Variants in COL10A1 observed in about 807,000 individuals in gnomAD.
COL10A1 encodes the protein collagen alpha-1(X) chain.
In COL10A1, 10 loss-of-function variants were observed where a neutral mutation model predicts 18.2. That is an observed-to-expected ratio of 0.55 (90% CI 0.34 to 0.93). The LOEUF (loss-of-function observed/expected upper bound fraction) is 0.93, where lower values mean the gene tolerates loss of function less well. Among genes scored for constraint, COL10A1 ranks in the 40% least tolerant of loss-of-function variants. The pLI is 0.02. For missense variants in COL10A1, 897 were observed against 853.5 expected (o/e 1.05, Z -0.64); for synonymous variants, 330 against 316.6 (o/e 1.04, Z -0.45).
chr6:116,135,851 A>G (rs930516407), intron 1 of COL10A1, among the ~76,000 whole-genome samples: 17 of 113,540 alleles, frequency 1.5e-4, no homozygotes, highest in African/African-American at 4.5e-4. Flanking sequence ...ATATATATAT[A>G]TATATATATA....
At chr6:116,186,439 G>C in the COL10A1 span, among the ~76,000 whole-genome samples, 1 of 152,028 alleles carries the variant, frequency 6.6e-6, no homozygotes, top group South Asian at 2.1e-4. Context: ...CAAGGCTGGG[G>C]AAGTTGTCCT....
chr6:116,121,509 C>T lies in COL10A1; in HGVS notation c.607G>A (p.Gly203Ser). Reference sequence around the variant, plus strand: ...GTGGGACCCTGAGGGCCTGGAAGACCCCTCTCACCTGGACGACCAGGAGCA... The same window carrying T: ...GTGGGACCCTGAGGGCCTGGAAGACTCCTCTCACCTGGACGACCAGGAGCA... ...YGAPGRPGER[G>S]LPGPQGPTGP... Residue 203 changes from glycine to serine, a missense_variant, in exon 3 of 3, where the codon GGT becomes AGT. Transcript: ENST00000651968. 6.2e-7 allele frequency: 1 copy of T among 1,614,156 alleles called. No homozygotes were observed. Among genetic ancestry groups the T allele is most frequent in the Non-Finnish European group, 8.5e-7 (1 of 1,180,026 alleles).
At chr6:116,155,750 C>CT (rs1476987316) in intron 1 of COL10A1, among the ~76,000 whole-genome samples, 1 of 140,794 alleles carries the variant, frequency 7.1e-6, no homozygotes, top group Non-Finnish European at 1.5e-5. Flanking sequence ...TGTACTTCTC[C>CT]TTAAAAAAAA....
At chr6:116,172,031 G>C in the COL10A1 span, among the ~76,000 whole-genome samples, 1 of 152,060 alleles carries the variant, frequency 6.6e-6, no homozygotes, top group Admixed American at 6.6e-5. Flanking sequence ...TTAAGAGGAA[G>C]GTAGAGAAAA....
At chr6:116,154,917 A>T (rs960134512) in intron 1 of COL10A1, among the ~76,000 whole-genome samples, 3 of 152,232 alleles carry the variant, frequency 2.0e-5, no homozygotes, top group African/African-American at 7.2e-5. Flanking sequence ...AAAATAAAAA[A>T]CATCATTTAG....
At chr6:116,185,558 C>T in the COL10A1 span, among the ~76,000 whole-genome samples, 519 of 152,064 alleles carry the variant, frequency 3.4e-3, 15 homozygotes, top group South Asian at 0.046. Context: ...CTGTTGGGTG[C>T]GTATATAGTT....
the COL10A1 span, among the ~76,000 whole-genome samples, chr6:116,191,047 AGTT>A: frequency 3.3e-5 from 5 of 152,112 alleles, no homozygotes; most frequent in Admixed American, 2.6e-4. Flanking sequence ...TTGCACAGTG[AGTT>A]GTTGTTAGAA....
rs566031605 is a variant in COL10A1 at position 116,124,252 on chromosome 6, A to G, written c.154+1087T>C. The stretch of plus-strand genomic sequence containing the variant: ...AGCATAATATTTAAACTTTATAACA[A>G]ATATCCTTAGCTTTATTTACAGTAT... On this transcript the variant is annotated intron_variant, in intron 2 of 2. Transcript: ENST00000651968. Among the ~76,000 whole-genome samples, 3 of 152,228 alleles carry G rather than the reference A, an allele frequency of 2.0e-5. No individual in the cohort carries two copies. In the South Asian group the frequency reaches 6.2e-4, roughly 32 times the overall value.
chr6:116,167,177 G>C, the COL10A1 span, among the ~76,000 whole-genome samples: 3 of 150,190 alleles, frequency 2.0e-5, no homozygotes, highest in African/African-American at 2.5e-5. Flanking sequence ...GTACTTAAAA[G>C]GTGTTTGTAA....
chr6:116,181,142 A>G, the COL10A1 span, among the ~76,000 whole-genome samples: 1 of 152,068 alleles, frequency 6.6e-6, no homozygotes, highest in African/African-American at 2.4e-5. Context: ...AAGTCGAGTG[A>G]TGAGTATAGC....
chr6:116,212,480 A>T, the COL10A1 span, among the ~76,000 whole-genome samples: 1 of 152,094 alleles, frequency 6.6e-6, no homozygotes, highest in Non-Finnish European at 1.5e-5. Context: ...TCTGAAATGG[A>T]TTGCTTCTAA....
At chr6:116,170,669 A>G in the COL10A1 span, among the ~76,000 whole-genome samples, 2 of 152,364 alleles carry the variant, frequency 1.3e-5, no homozygotes, top group African/African-American at 4.8e-5. Context: ...GTTTCTTAGC[A>G]TAGCATACAT....
At chr6:116,176,411 T>C in the COL10A1 span, among the ~76,000 whole-genome samples, 158 of 152,298 alleles carry the variant, frequency 1.0e-3, no homozygotes, top group Non-Finnish European at 1.9e-3. Flanking sequence ...AGTCTCAGCC[T>C]TAGAGAAGCC....
the COL10A1 span, among the ~76,000 whole-genome samples, chr6:116,165,421 A>T: frequency 6.6e-6 from 1 of 152,192 alleles, no homozygotes; most frequent in African/African-American, 2.4e-5. Flanking sequence ...CTTTCTACCA[A>T]TATGTTTTCC....
intron 1 of COL10A1, among the ~76,000 whole-genome samples, chr6:116,147,801 C>A (rs903254602): frequency 1.3e-5 from 2 of 151,964 alleles, no homozygotes; most frequent in African/African-American, 4.8e-5. Flanking sequence ...TTGATTATAC[C>A]ATTGTTTGTA....
the COL10A1 span, among the ~76,000 whole-genome samples, chr6:116,197,822 T>C: frequency 6.6e-6 from 1 of 152,100 alleles, no homozygotes; most frequent in Non-Finnish European, 1.5e-5. Context: ...TTCTTCTTTA[T>C]GTTTGCTACC....
At chr6:116,145,094 G>A (rs1349811906) in intron 1 of COL10A1, among the ~76,000 whole-genome samples, 2 of 152,110 alleles carry the variant, frequency 1.3e-5, no homozygotes, top group African/African-American at 4.8e-5. Flanking sequence ...AAAGTTATAG[G>A]ACATAAGAAC....
upstream of COL10A1, among the ~76,000 whole-genome samples, chr6:116,159,774 TC>T (rs1562144089): frequency 6.6e-6 from 1 of 152,188 alleles, no homozygotes; most frequent in Admixed American, 6.6e-5. Flanking sequence ...ACATGTGCTT[TC>T]CCCCAGCCCC....
upstream of COL10A1, among the ~76,000 whole-genome samples, chr6:116,162,504 G>T (rs1780358305): frequency 6.6e-6 from 1 of 152,000 alleles, no homozygotes; most frequent in Non-Finnish European, 1.5e-5. Context: ...GGATTTTATT[G>T]CATGTTTTTT....
Sources: gnomAD v4.1 joint callset for allele counts (sites outside exome capture counted in the v4.1 genomes callset) on GRCh38, gnomAD v4.1.1 for gene constraint, MANE v1.5 for transcripts, NCBI Gene and HGNC (gene_info 2026-07-23, HGNC 2026-07-21) for gene names.